The following FBXO11 variants were observed in gnomAD, a reference collection of about 807,000 sequenced individuals.
FBXO11 encodes F-box protein 11.
A neutral mutation model predicts 117.0 loss-of-function variants in FBXO11; 13 were observed. The ratio of observed to expected loss-of-function variants is 0.11; its 90% CI spans 0.07 to 0.18. FBXO11 has a LOEUF of 0.18. Among genes scored for constraint, FBXO11 ranks in the 10% least tolerant of loss-of-function variants. FBXO11 has a pLI of 1.00. For synonymous variants in FBXO11, 490 were observed against 380.5 expected, an observed-to-expected ratio of 1.29 and a Z score of -3.35; for missense variants, 767 against 1,164.4, an observed-to-expected ratio of 0.66 and a Z score of 4.97.
At chr2:47,903,574 A>C (rs1407100445) in intron 1 of FBXO11, among the ~76,000 whole-genome samples, 1 of 152,236 alleles carries the variant, frequency 6.6e-6, no homozygotes, top group Admixed American at 6.5e-5. Context: ...AAATTACATC[A>C]ACTAAGTTCG....
At chr2:47,884,514 G>C (rs1676668281) in intron 1 of FBXO11, among the ~76,000 whole-genome samples, 1 of 152,192 alleles carries the variant, frequency 6.6e-6, no homozygotes, top group African/African-American at 2.4e-5. Flanking sequence ...ACTGAAAACA[G>C]AGGTTGATGC....
chr2:47,862,406 A>C (rs1317594132), intron 1 of FBXO11, among the ~76,000 whole-genome samples: 1 of 152,242 alleles, frequency 6.6e-6, no homozygotes, highest in Non-Finnish European at 1.5e-5. Context: ...AAGAACTGGA[A>C]AGGAAAATGA....
intron 1 of FBXO11, among the ~76,000 whole-genome samples, chr2:47,858,612 G>A (rs1400695005): frequency 6.8e-6 from 1 of 146,798 alleles, no homozygotes; most frequent in Non-Finnish European, 1.5e-5. Flanking sequence ...AACCTGGGAG[G>A]CAGAGGTTGC....
intron 18 of FBXO11, chr2:47,812,953 TACTA>T (rs1670727652): frequency 2.6e-6 from 1 of 391,968 alleles, no homozygotes; most frequent in African/African-American, 2.1e-5. Flanking sequence ...ATAATCATAT[TACTA>T]TTCTGAATTT....
rs368445347 is a variant in FBXO11 at position 47,890,660 on chromosome 2, C to T, written c.232+14829G>A. 2.1e-4 allele frequency among the ~76,000 whole-genome samples: 32 copies of T among 152,130 alleles called. No individual in the cohort carries two copies. In the East Asian group the frequency reaches 6.2e-3, roughly 29 times the overall value. ...CTCTACTAAAAATACAAAAAGTCAG[C>T]TGGACATGGTGGCAAGCGCCTATAA... On this transcript the variant is annotated intron_variant, in intron 1 of 22. Transcript: ENST00000403359.
chr2:47,812,832 A>C (rs1572763866), intron 18 of FBXO11: 2 of 244,802 alleles, frequency 8.2e-6, no homozygotes, highest in African/African-American at 4.7e-5. Context: ...CTCTCCAACA[A>C]ACACAGTTGA....
chr2:47,816,136 G>C (rs1336732583), intron 16 of FBXO11, among the ~76,000 whole-genome samples: 1 of 152,206 alleles, frequency 6.6e-6, no homozygotes, highest in African/African-American at 2.4e-5. Flanking sequence ...TTTGTGGGCA[G>C]AAAAGCTCAA....
At chr2:47,829,091 C>T (rs1309046927) in intron 11 of FBXO11, among the ~76,000 whole-genome samples, 2 of 151,848 alleles carry the variant, frequency 1.3e-5, no homozygotes, top group African/African-American at 2.4e-5. Flanking sequence ...GGCAGTGTTT[C>T]GCAGTGTTGG....
intron 1 of FBXO11, 102 bp downstream of exon 1, chr2:47,905,387 G>T (rs1678701905): frequency 1.9e-6 from 2 of 1,065,872 alleles, no homozygotes; most frequent in Non-Finnish European, 2.3e-6. Flanking sequence ...CCCACCCCCA[G>T]GGCGCGCAGG....
rs1670271756 is a variant in FBXO11 at position 47,807,189 on chromosome 2, A to AATT, written c.*926_*928dup. The AATT allele has an allele frequency of 3.7e-6, 1 of 271,992 alleles. No homozygotes were observed. Among genetic ancestry groups the AATT allele is most frequent in the African/African-American group, 2.2e-5 (1 of 45,860 alleles). 16.8% of individuals were successfully genotyped at this position (271,992 alleles called of 1,614,324 possible). On this transcript the variant is annotated 3_prime_UTR_variant, in exon 23 of 23. Transcript: ENST00000403359. ...TCAGCTTAATGCAGGAAATTGGTTT[A>AATT]ATTTCCAGCAGTTTTGTCTAAACTG...
chr2:47,847,304 T>C (rs933017905), intron 1 of FBXO11, among the ~76,000 whole-genome samples: 1 of 152,202 alleles, frequency 6.6e-6, no homozygotes, highest in Non-Finnish European at 1.5e-5. Context: ...CTACTGTTCC[T>C]AGGCTGTAAG....
chr2:47,877,202 A>AT (rs1558465475), intron 1 of FBXO11, among the ~76,000 whole-genome samples: 1 of 151,754 alleles, frequency 6.6e-6, no homozygotes, highest in Non-Finnish European at 1.5e-5. Context: ...TAATTTTTCT[A>AT]TTTTTTGTAG....
Position 47,832,697 on chromosome 2 carries a change from T to G in FBXO11, c.1154-19A>C, listed in dbSNP as rs186451058. ...GAACCAACTGTAGAAAAATTATTTA[T>G]TTATGTAAAAACCTACTGGGCAACA... On this transcript the variant is annotated intron_variant, in intron 9 of 22. Coordinates refer to ENST00000403359, the MANE Select transcript of FBXO11 (RefSeq NM_001190274.2). 2.8e-4 allele frequency: 447 copies of G among 1,611,478 alleles called. 3 individuals carry two copies. In the African/African-American group the frequency reaches 4.7e-3, roughly 17 times the overall value.
chr2:47,827,949 A>G (rs1671885623), intron 11 of FBXO11, among the ~76,000 whole-genome samples: 4 of 151,988 alleles, frequency 2.6e-5, no homozygotes. Context: ...CACCTGCCTC[A>G]GCCTCCCAAA....
At chr2:47,866,454 A>AT (rs1675202485) in intron 1 of FBXO11, among the ~76,000 whole-genome samples, 1 of 151,610 alleles carries the variant, frequency 6.6e-6, no homozygotes, top group Non-Finnish European at 1.5e-5. Context: ...TCTGTTACAC[A>AT]TATCTACGCT....
chr2:47,809,168 C>G lies in FBXO11; in HGVS notation c.2545G>C (p.Asp849His). The change falls in exon 21 of 23, where the codon GAT becomes CAT. Residue 849 changes from aspartate (D) to histidine (H), a missense_variant. Physicochemically the swap from Asp to His is moderately conservative, Grantham distance 81 (BLOSUM62 -1). Transcript: ENST00000403359. ...ISSYTSYPMH[D>H]FYRCHTCNTT... ...ATATTTCTAAGTTACCTGTAGAAATCATGCATGGGATAGCTGGTATAACTT... is the reference window on the plus strand; with the variant it reads ...ATATTTCTAAGTTACCTGTAGAAATGATGCATGGGATAGCTGGTATAACTT... 1 of 1,570,794 alleles carries G rather than the reference C, an allele frequency of 6.4e-7. No homozygotes were observed. Among genetic ancestry groups the G allele is most frequent in the Non-Finnish European group, 8.7e-7 (1 of 1,151,732 alleles).
At chr2:47,889,760 C>G (rs1263761175) in intron 1 of FBXO11, among the ~76,000 whole-genome samples, 2 of 151,956 alleles carry the variant, frequency 1.3e-5, no homozygotes, top group African/African-American at 4.8e-5. Flanking sequence ...AAATATTCCC[C>G]ACATAAAATT....
At chr2:47,827,746 G>C (rs575428194) in intron 11 of FBXO11, among the ~76,000 whole-genome samples, 2 of 151,498 alleles carry the variant, frequency 1.3e-5, no homozygotes, top group African/African-American at 4.9e-5. Flanking sequence ...TCCTAGGCTG[G>C]AGCGCAGTGG....
chr2:47,890,579 G>A (rs1572913256), intron 1 of FBXO11, among the ~76,000 whole-genome samples: 2 of 152,118 alleles, frequency 1.3e-5, no homozygotes, highest in East Asian at 3.9e-4. Flanking sequence ...CGAGGTGGGT[G>A]GACCACCTGA....
Sources: gnomAD v4.1 joint callset for allele counts (sites outside exome capture counted in the v4.1 genomes callset) on GRCh38, gnomAD v4.1.1 for gene constraint, MANE v1.5 for transcripts, NCBI Gene and HGNC (gene_info 2026-07-23, HGNC 2026-07-21) for gene names.